BTAF1: variants seen among roughly 807,000 people sequenced by gnomAD.
BTAF1 encodes B-TFIID TATA-box binding protein associated factor 1.
BTAF1 carries 38 observed loss-of-function variants against 227.1 expected under a neutral mutation model. That is an observed-to-expected ratio of 0.17 (90% confidence interval 0.13 to 0.22). The LOEUF is 0.22. Ranked by LOEUF, BTAF1 falls within the 10% of genes least tolerant of loss-of-function variation. BTAF1 has a pLI of 1.00. For synonymous variants in BTAF1, 742 were observed against 751.9 expected, an observed-to-expected ratio of 0.99 and a Z score of 0.21; for missense variants, 1,598 against 2,204.0, an observed-to-expected ratio of 0.73 and a Z score of 5.51.
intron 1 of BTAF1, among the ~76,000 whole-genome samples, chr10:91,931,787 C>G (rs1844289786): frequency 6.6e-6 from 1 of 152,218 alleles, no homozygotes. Flanking sequence ...AGATCTTTGT[C>G]TGCTCATCTC....
In BTAF1 at chr10:91,952,159, TTTG is replaced by T. The variant is rs1172675549; in HGVS notation, c.564+595_564+597del. Among the ~76,000 whole-genome samples, 130 of 145,908 alleles carry T rather than the reference TTTG, an allele frequency of 8.9e-4. 1 individual carries two copies. In the East Asian group the frequency reaches 0.02, roughly 23 times the overall value. Reference sequence around the variant, plus strand: ...ATATATGTATATGTGTGTGTGTGTGTTTGTGTGTGTGTGTGTGTGTGTATATAT... The same window carrying T: ...ATATATGTATATGTGTGTGTGTGTGTTGTGTGTGTGTGTGTGTGTATATAT... On this transcript the variant is annotated intron_variant, in intron 5 of 37. Coordinates refer to ENST00000265990, the MANE Select transcript of BTAF1 (RefSeq NM_003972.3).
intron 25 of BTAF1, among the ~76,000 whole-genome samples, chr10:92,005,206 G>A (rs1022902428): frequency 1.3e-5 from 2 of 151,798 alleles, no homozygotes; most frequent in African/African-American, 2.4e-5. Flanking sequence ...GATTGCTTTG[G>A]CTATCTGGGG....
chr10:91,980,527 G>A lies in BTAF1; in HGVS notation c.1724G>A (p.Ser575Asn), dbSNP rs1251628939. The A allele has an allele frequency of 1.2e-6, 2 of 1,612,686 alleles. No homozygotes were observed. Among genetic ancestry groups the A allele is most frequent in the East Asian group, 4.5e-5 (2 of 44,844 alleles). ...RHIFQFCVLE[S>N]SQEILDLIHK... ...ATTTTTCAGTTCTGTGTTTTGGAAA[G>A]CAGCCAGGAAATTCTGGACCTTATT... The change falls in exon 15 of 38, where the codon AGC (serine) becomes AAC (asparagine). Residue 575 changes from serine to asparagine, a missense_variant. Physicochemically the swap from Ser to Asn is conservative, Grantham distance 46. Around this residue, in one of 10 missense-constraint regions of BTAF1, gnomAD observed 318 missense variants for 435.0 expected, o/e 0.73. Coordinates refer to ENST00000265990, the MANE Select transcript of BTAF1 (RefSeq NM_003972.3).
At position 91,964,187 on chromosome 10, in the gene BTAF1, G is replaced by T; in HGVS notation, c.1515G>T (p.Gln505His). The T allele has an allele frequency of 6.2e-7, 1 of 1,612,252 alleles. No individual in the cohort carries two copies. The change falls in exon 13 of 38, where the codon CAG becomes CAT. Residue 505 changes from glutamine to histidine, a missense_variant. Gln to His is a conservative substitution (Grantham distance 24, BLOSUM62 0). Around this residue, in one of 10 missense-constraint regions of BTAF1, gnomAD observed 318 missense variants for 435.0 expected, o/e 0.73. Transcript: ENST00000265990. The stretch of plus-strand genomic sequence containing the variant: ...TTTCATCCTTGTTAACTTACCCTCA[G>T]GTCCAACAATGCAGGTAATTATTTC... ...TLLSSLLTYP[Q>H]VQQCSIQQSL...
chr10:91,928,462 A>G (rs1589729530), intron 1 of BTAF1, among the ~76,000 whole-genome samples: 1 of 152,360 alleles, frequency 6.6e-6, no homozygotes, highest in South Asian at 2.1e-4. Flanking sequence ...GGAGTAGAGA[A>G]CAATGTTGTC....
chr10:92,011,316 T>C lies in BTAF1; in HGVS notation c.4212T>C (p.Asp1404=). Residue 1404 remains aspartate (D), a synonymous_variant, in exon 30 of 38, where the codon GAT becomes GAC. Transcript: ENST00000265990. ...TTAAATTTAACTACTGCATTCTTGATGAAGGCCATGTCATCAAAAATGGAA... is the reference window on the plus strand; with the variant it reads ...TTAAATTTAACTACTGCATTCTTGACGAAGGCCATGTCATCAAAAATGGAA... ...RNIKFNYCIL[D]EGHVIKNGKT... 1.3e-6 allele frequency: 2 copies of C among 1,502,060 alleles called. No homozygotes were observed. The highest frequency in any genetic ancestry group is 1.8e-6 in the Non-Finnish European group (2 of 1,126,766). 93.0% of individuals were successfully genotyped at this position (1,502,060 alleles called of 1,614,324 possible). A position where few individuals can be genotyped will look rare whatever the true frequency, so the allele number is the denominator to read the frequency against.
At position 91,959,740 on chromosome 10, in the gene BTAF1, G is replaced by GTGTGTGTA. The variant is rs1239373067; in HGVS notation, c.991-44_991-43insGTGTGTAT. 902 of 226,274 alleles carry GTGTGTGTA rather than the reference G, an allele frequency of 4.0e-3. 5 individuals carry two copies. The highest frequency in any genetic ancestry group is 5.3e-3 in the Non-Finnish European group (690 of 129,942). 14.0% of individuals were successfully genotyped at this position (226,274 alleles called of 1,614,324 possible). A position where few individuals can be genotyped will look rare whatever the true frequency, so the allele number is the denominator to read the frequency against. On this transcript the variant is annotated intron_variant, in intron 9 of 37. Transcript: ENST00000265990. Reference sequence around the variant, plus strand: ...AAAATGTGTGTGTGTGTGTGTGTGTGTATATATATATATATATATATATAT... The same window carrying GTGTGTGTA: ...AAAATGTGTGTGTGTGTGTGTGTGTGTGTGTGTATATATATATATATATATATATATAT...
In BTAF1 at chr10:92,027,171, A is replaced by T. The variant is rs758273316; in HGVS notation, c.5277A>T (p.Thr1759=). The change falls in exon 37 of 38, where the codon ACA becomes ACT. Residue 1759 remains threonine (T), a synonymous_variant. Transcript: ENST00000265990. ...VNVYRLITRG[T]LEEKIMGLQK... ...TATACCGATTGATAACCAGAGGAAC[A>T]TTGGAAGAAAAAATAATGGGGTTGC... 6.2e-7 allele frequency: 1 copy of T among 1,613,862 alleles called. No individual in the cohort carries two copies. Among genetic ancestry groups the T allele is most frequent in the East Asian group, 2.2e-5 (1 of 44,874 alleles).
chr10:92,029,973 G>T lies in BTAF1; in HGVS notation c.*1040G>T, dbSNP rs1284097990. On this transcript the variant is annotated 3_prime_UTR_variant, in exon 38 of 38. Coordinates refer to ENST00000265990, the MANE Select transcript of BTAF1 (RefSeq NM_003972.3). ...TTGGGCATGAGGCTGATTACTCAAT[G>T]GTGAGGGTAGGTATATGTAGATAGA... The T allele has an allele frequency of 6.6e-6, 1 of 152,524 alleles. No individual in the cohort carries two copies. Among genetic ancestry groups the T allele is most frequent in the East Asian group, 1.9e-4 (1 of 5,202 alleles). 9.4% of individuals were successfully genotyped at this position (152,524 alleles called of 1,614,324 possible).
Position 91,993,709 on chromosome 10 carries a change from C to G in BTAF1, c.3061C>G (p.Leu1021Val), listed in dbSNP as rs912887563. ...VELDEAQKPY[L>V]VQRRGAEFAL... The stretch of plus-strand genomic sequence containing the variant: ...TAATTTTAAGGCCCAGAAGCCTTAC[C>G]TGGTACAACGGAGAGGAGCTGAATT... The change falls in exon 22 of 38, where the codon CTG becomes GTG. Residue 1021 changes from leucine to valine, a missense_variant. Transcript: ENST00000265990. 6 of 1,539,366 alleles carry G rather than the reference C, an allele frequency of 3.9e-6. No homozygotes were observed. The highest frequency in any genetic ancestry group is 5.3e-6 in the Non-Finnish European group (6 of 1,136,032).
At chr10:91,976,005 G>A (rs1402951835) in intron 14 of BTAF1, among the ~76,000 whole-genome samples, 1 of 152,180 alleles carries the variant, frequency 6.6e-6, no homozygotes, top group Non-Finnish European at 1.5e-5. Context: ...AAGTTAGAGA[G>A]CTCAGTCGCA....
At chr10:91,925,784 A>G (rs928699885) in intron 1 of BTAF1, among the ~76,000 whole-genome samples, 2 of 152,198 alleles carry the variant, frequency 1.3e-5, no homozygotes, top group African/African-American at 2.4e-5. Flanking sequence ...TGCTGGGATT[A>G]CAGGCGTGAG....
Position 92,000,582 on chromosome 10 carries a change from G to C in BTAF1, c.3660+2831G>C, listed in dbSNP as rs141939320. ...TTTGTTTGGTTGTTTGTTTGAGTTGGAGTTTTGCTCTTGTCACCCAGGCTG... is the reference window on the plus strand; with the variant it reads ...TTTGTTTGGTTGTTTGTTTGAGTTGCAGTTTTGCTCTTGTCACCCAGGCTG... On this transcript the variant is annotated intron_variant, in intron 25 of 37. Coordinates refer to ENST00000265990, the MANE Select transcript of BTAF1 (RefSeq NM_003972.3). Among the ~76,000 whole-genome samples the C allele has an allele frequency of 7.1e-4, 108 of 152,224 alleles. 1 individual carries two copies. Among genetic ancestry groups the C allele is most frequent in the Non-Finnish European group, 1.2e-3 (80 of 67,990 alleles).
At chr10:91,982,011 T>C (rs1848098136) in intron 16 of BTAF1, 72 bp from the exon 17 acceptor site, 1 of 1,491,300 alleles carries the variant, frequency 6.7e-7, no homozygotes, top group Non-Finnish European at 9.0e-7. Flanking sequence ...TTTAAAAATA[T>C]CATATTTTTG....
chr10:91,956,731 T>TG (rs1344615953), intron 7 of BTAF1, 74 bp downstream of exon 7: 4 of 1,503,110 alleles, frequency 2.7e-6, no homozygotes, highest in African/African-American at 1.4e-5. Flanking sequence ...GGCTCACTCC[T>TG]GTAATCCCAG....
At position 92,018,788 on chromosome 10, in the gene BTAF1, A is replaced by C; in HGVS notation, c.4716A>C (p.Leu1572Phe). Residue 1572 changes from leucine to phenylalanine, a missense_variant, in exon 34 of 38, where the codon TTA becomes TTC. This residue lies in a region of BTAF1 where 205 missense variants were observed against 244.5 expected (regional missense o/e 0.84). Transcript: ENST00000265990. ...CTTTTTTTTTCCTCTTGAAGGCATT[A>C]CAGTACTTACGTAAACTGTGCAACC... ...LKATGHVFQA[L>F]QYLRKLCNHP... 6.5e-7 allele frequency: 1 copy of C among 1,548,790 alleles called. No homozygotes were observed. The highest frequency in any genetic ancestry group is 8.7e-7 in the Non-Finnish European group (1 of 1,151,654).
At chr10:91,960,283 T>C (rs1846409249) in intron 11 of BTAF1, 129 bp downstream of exon 11, 1 of 1,006,066 alleles carries the variant, frequency 9.9e-7, no homozygotes, top group Non-Finnish European at 1.4e-6. Flanking sequence ...AGATTTGCCG[T>C]CTTGAGAGAG....
intron 5 of BTAF1, among the ~76,000 whole-genome samples, chr10:91,951,917 C>G (rs768622732): frequency 4.6e-5 from 7 of 151,210 alleles, no homozygotes; most frequent in Non-Finnish European, 5.9e-5. Context: ...CTATTATAGT[C>G]AGATATGATA....
Position 91,966,742 on chromosome 10 carries a change from A to G in BTAF1, c.1635A>G (p.Leu545=). ...RAALETLFTL[L]STQDQNSSSW... ...CATTGGAAACTCTGTTTACGTTATTATCAACACAGGACCAGGTAAGAACTG... is the reference window on the plus strand; with the variant it reads ...CATTGGAAACTCTGTTTACGTTATTGTCAACACAGGACCAGGTAAGAACTG... The change falls in exon 14 of 38, where the codon TTA becomes TTG. Residue 545 remains leucine (L), a synonymous_variant. Coordinates refer to ENST00000265990, the MANE Select transcript of BTAF1 (RefSeq NM_003972.3). 1 of 1,613,946 alleles carries G rather than the reference A, an allele frequency of 6.2e-7. No individual in the cohort carries two copies. Among genetic ancestry groups the G allele is most frequent in the Non-Finnish European group, 8.5e-7 (1 of 1,179,890 alleles).
Sources: gnomAD v4.1 joint callset for allele counts (sites outside exome capture counted in the v4.1 genomes callset) on GRCh38, gnomAD v4.1.1 for gene constraint, gnomAD v4.1.1 regional missense constraint, MANE v1.5 for transcripts, NCBI Gene and HGNC (gene_info 2026-07-23, HGNC 2026-07-21) for gene names.